Variants in HTRA3 observed in about 807,000 individuals in gnomAD.
HTRA3 encodes the protein HtrA serine peptidase 3, also known as serine protease HTRA3.
A neutral mutation model predicts 43.2 loss-of-function variants in HTRA3; 41 were observed. The observed-to-expected ratio is 0.95, with a 90% CI of 0.74 to 1.23. HTRA3 has a LOEUF of 1.23. HTRA3 is among the 50% of genes most tolerant of loss of function. The probability of loss-of-function intolerance (pLI) is 0.00; values close to 1 mark genes in which losing one functional copy is unlikely to be tolerated. For missense variants in HTRA3, 628 were observed against 647.1 expected (o/e 0.97, Z 0.32); for synonymous variants, 295 against 287.9 (o/e 1.02, Z -0.25).
In HTRA3 at chr4:8,297,923, G is replaced by T. The variant is rs1434470960; in HGVS notation, c.1051+3722G>T. 1.3e-5 allele frequency among the ~76,000 whole-genome samples: 2 copies of T among 152,160 alleles called. No homozygotes were observed. The highest frequency in any genetic ancestry group is 4.8e-5 in the African/African-American group (2 of 41,434). ...TGCAGCCCCACCTGCCGTCCCCACT[G>T]AGTTATGTCAGCCTTGTCCCTCTGT... is the stretch of plus-strand genomic sequence containing the variant. On this transcript the variant is annotated intron_variant, in intron 6 of 8. Coordinates refer to ENST00000307358, the MANE Select transcript of HTRA3 (RefSeq NM_053044.5). This position sits in a 1 kb window ranked among gnomAD's most constrained non-coding sequence, Gnocchi z 5.8.
intron 1 of HTRA3, 61 bp from the exon 2 acceptor site, chr4:8,282,376 C>T: frequency 1.5e-6 from 2 of 1,308,176 alleles, no homozygotes; most frequent in Non-Finnish European, 2.2e-6. Flanking sequence ...TGGGCATAGG[C>T]CTCTGGGAGC....
chr4:8,293,727 G>A (rs1020819607), intron 5 of HTRA3, among the ~76,000 whole-genome samples: 4 of 152,110 alleles, frequency 2.6e-5, no homozygotes, highest in Admixed American at 1.3e-4. Context: ...CTCTGTCCCC[G>A]ACAGGCCTTA....
rs1440664925 is a variant in HTRA3 at position 8,297,625 on chromosome 4, C to T, written c.1051+3424C>T. Among the ~76,000 whole-genome samples, 3 of 152,036 alleles carry T rather than the reference C, an allele frequency of 2.0e-5. No individual in the cohort carries two copies. The highest frequency in any genetic ancestry group is 7.2e-5 in the African/African-American group (3 of 41,400). ...GGAGGTGACCCACCTCCAGCAGAGA[C>T]TGTGGGAAGGGAGTGGGGCAGGCTC... On this transcript the variant is annotated intron_variant, in intron 6 of 8. Coordinates refer to ENST00000307358, the MANE Select transcript of HTRA3 (RefSeq NM_053044.5). This position sits in a 1 kb window ranked among gnomAD's most constrained non-coding sequence, Gnocchi z 5.8.
chr4:8,305,104 T>G (rs1372733622), intron 8 of HTRA3, among the ~76,000 whole-genome samples: 2 of 152,214 alleles, frequency 1.3e-5, no homozygotes, highest in Non-Finnish European at 2.9e-5. Flanking sequence ...TCTGAACCAG[T>G]TGCCTCCCCT....
intron 1 of HTRA3, among the ~76,000 whole-genome samples, chr4:8,281,164 G>A (rs2153004563): frequency 6.6e-6 from 1 of 152,354 alleles, no homozygotes; most frequent in Middle Eastern, 3.4e-3. Context: ...GCCCTGTGAT[G>A]ATTCCTAGAG....
rs192953794 is a variant in HTRA3 at position 8,289,746 on chromosome 4, G to A, written c.709-1624G>A. Among the ~76,000 whole-genome samples the A allele has an allele frequency of 2.0e-4, 30 of 152,240 alleles. No homozygotes were observed. In the East Asian group the frequency reaches 2.5e-3, roughly 13 times the overall value. Reference sequence around the variant, plus strand: ...ACCCTCACCTGTGCCCCCTCCTTGGGTGCAGGGAGGATGGCTGACCCTCCC... The same window carrying A: ...ACCCTCACCTGTGCCCCCTCCTTGGATGCAGGGAGGATGGCTGACCCTCCC... On this transcript the variant is annotated intron_variant, in intron 3 of 8. Coordinates refer to ENST00000307358, the MANE Select transcript of HTRA3 (RefSeq NM_053044.5).
intron 6 of HTRA3, among the ~76,000 whole-genome samples, chr4:8,298,921 C>A (rs1713550645): frequency 6.6e-6 from 1 of 152,212 alleles, no homozygotes; most frequent in Admixed American, 6.6e-5. Flanking sequence ...AGTCCCCCGA[C>A]TTTATTCTTC....
chr4:8,274,558 G>A (rs1712441269), intron 1 of HTRA3, among the ~76,000 whole-genome samples: 1 of 152,196 alleles, frequency 6.6e-6, no homozygotes, highest in Admixed American at 6.5e-5. Flanking sequence ...AACCCTCTGG[G>A]CCCTTCTTGC....
In HTRA3 at chr4:8,296,517, TA is replaced by T; in HGVS notation, c.1051+2319del. 4.1e-6 allele frequency: 4 copies of T among 985,264 alleles called. No individual in the cohort carries two copies. The highest frequency in any genetic ancestry group is 4.8e-6 in the Non-Finnish European group (4 of 829,732). 61.0% of individuals were successfully genotyped at this position (985,264 alleles called of 1,614,324 possible). A position where few individuals can be genotyped will look rare whatever the true frequency, so the allele number is the denominator to read the frequency against. On this transcript the variant is annotated intron_variant, in intron 6 of 8. Coordinates refer to ENST00000307358, the MANE Select transcript of HTRA3 (RefSeq NM_053044.5). This position sits in a 1 kb window ranked among gnomAD's most constrained non-coding sequence, Gnocchi z 5.3. ...TCTTTGAAATGAACCATCTTTTTATTAAATCAAGGAGATGTTAAGTGCATTT... is the reference window on the plus strand; with the variant it reads ...TCTTTGAAATGAACCATCTTTTTATTAATCAAGGAGATGTTAAGTGCATTT...
At chr4:8,294,687 T>C (rs1489086819) in intron 6 of HTRA3, among the ~76,000 whole-genome samples, 3 of 127,336 alleles carry the variant, frequency 2.4e-5, no homozygotes, top group Non-Finnish European at 3.4e-5. Flanking sequence ...CATCCATCCA[T>C]CCATCCATCC....
chr4:8,294,028 G>A, intron 5 of HTRA3, 59 bp from the exon 6 acceptor site: 1 of 1,139,816 alleles, frequency 8.8e-7, no homozygotes, highest in South Asian at 1.4e-5. Flanking sequence ...ACAGTGCTTT[G>A]TGGGCAGGGG....
chr4:8,275,394 G>T (rs1712478608), intron 1 of HTRA3, among the ~76,000 whole-genome samples: 1 of 152,166 alleles, frequency 6.6e-6, no homozygotes, highest in African/African-American at 2.4e-5. Flanking sequence ...CTCCTGGCAG[G>T]CTCGCAGGCT....
chr4:8,275,882 G>A (rs1044903944), intron 1 of HTRA3, among the ~76,000 whole-genome samples: 1 of 152,246 alleles, frequency 6.6e-6, no homozygotes, highest in African/African-American at 2.4e-5. Flanking sequence ...CAGGTCCCCT[G>A]GTTCCCCAGC....
At chr4:8,287,226 G>A (rs1256930733) in intron 3 of HTRA3, among the ~76,000 whole-genome samples, 1 of 152,192 alleles carries the variant, frequency 6.6e-6, no homozygotes, top group Non-Finnish European at 1.5e-5. Context: ...CCTCCCACCA[G>A]CTGACCCAGA....
chr4:8,289,288 C>A (rs973239994), intron 3 of HTRA3, among the ~76,000 whole-genome samples: 2 of 152,192 alleles, frequency 1.3e-5, no homozygotes, highest in Non-Finnish European at 2.9e-5. Flanking sequence ...AATATTTTAT[C>A]TTTGCAAGCC....
chr4:8,304,682 T>C (rs1713777997), intron 8 of HTRA3, among the ~76,000 whole-genome samples: 2 of 129,866 alleles, frequency 1.5e-5, no homozygotes, highest in Admixed American at 8.2e-5. Context: ...TTTGAGACAG[T>C]CTCCCTCTTG....
At chr4:8,300,860 C>T (rs1427454962) in intron 6 of HTRA3, among the ~76,000 whole-genome samples, 2 of 149,962 alleles carry the variant, frequency 1.3e-5, no homozygotes, top group Non-Finnish European at 3.0e-5. Flanking sequence ...TACTGACTCA[C>T]ACTCTTACCT....
intron 1 of HTRA3, among the ~76,000 whole-genome samples, chr4:8,274,460 C>T (rs1483213819): frequency 6.6e-6 from 1 of 152,246 alleles, no homozygotes; most frequent in Non-Finnish European, 1.5e-5. Context: ...GGCTCGAAGC[C>T]TCGCCGGGCA....
chr4:8,299,853 T>C (rs1713577438), intron 6 of HTRA3, among the ~76,000 whole-genome samples: 1 of 151,710 alleles, frequency 6.6e-6, no homozygotes, highest in East Asian at 1.9e-4. Context: ...TTTTTTTTTT[T>C]TTTTGAGATG....
Sources: allele counts gnomAD v4.1 joint callset (sites outside exome capture counted in the v4.1 genomes callset), GRCh38; gene constraint gnomAD v4.1.1; non-coding constraint Gnocchi (gnomAD v3.1); transcripts MANE v1.5; gene names NCBI Gene and HGNC (gene_info 2026-07-23, HGNC 2026-07-21).